PTPRN2: variants seen among roughly 807,000 people sequenced by gnomAD.
The protein encoded by PTPRN2 is protein tyrosine phosphatase receptor type N2.
PTPRN2 carries 74 observed loss-of-function variants against 118.8 expected under a neutral mutation model. The ratio of observed to expected loss-of-function variants is 0.62; its 90% CI spans 0.52 to 0.76. PTPRN2 has a LOEUF of 0.76. PTPRN2 is among the 30% of genes least tolerant of loss of function. The probability of loss-of-function intolerance (pLI) is 0.00; values close to 1 mark genes in which losing one functional copy is unlikely to be tolerated. For synonymous variants in PTPRN2, 641 were observed against 608.0 expected (o/e 1.05, Z -0.80); for missense variants, 1,481 against 1,394.4 (o/e 1.06, Z -0.99).
rs551512617 is a variant in PTPRN2 at position 158,120,913 on chromosome 7, G to A, written c.1557-9998C>T. ...GACAGAGCAATGACCCACCACAGCC[G>A]GCTCAGCTCCACCCCGGCTGAGACC... On this transcript the variant is annotated intron_variant, in intron 9 of 22. Coordinates refer to ENST00000389418, the MANE Select transcript of PTPRN2 (RefSeq NM_002847.5). 2.0e-3 allele frequency among the ~76,000 whole-genome samples: 298 copies of A among 152,304 alleles called. 2 individuals carry two copies. Among genetic ancestry groups the A allele is most frequent in the South Asian group, 0.013 (62 of 4,832 alleles).
chr7:158,253,667 G>A (rs961004422), intron 3 of PTPRN2, among the ~76,000 whole-genome samples: 9 of 152,212 alleles, frequency 5.9e-5, no homozygotes, highest in Non-Finnish European at 1.0e-4. Flanking sequence ...GCACACAGGC[G>A]AGGCAAGACT....
At chr7:157,847,385 A>G (rs992564731) in intron 12 of PTPRN2, among the ~76,000 whole-genome samples, 1 of 149,286 alleles carries the variant, frequency 6.7e-6, no homozygotes, top group Admixed American at 6.6e-5. Flanking sequence ...CTCTGACTCT[A>G]TCACGTGTGC....
intron 11 of PTPRN2, among the ~76,000 whole-genome samples, chr7:158,074,268 C>T (rs892408299): frequency 3.9e-5 from 6 of 152,168 alleles, no homozygotes; most frequent in South Asian, 2.1e-4. Flanking sequence ...CTCCTGCCGA[C>T]GATCCCTCTG....
intron 11 of PTPRN2, among the ~76,000 whole-genome samples, chr7:158,033,320 A>G (rs1417637426): frequency 6.6e-6 from 1 of 152,128 alleles, no homozygotes; most frequent in East Asian, 1.9e-4. Context: ...CGAGTCGGTG[A>G]TTAGCTGGAA....
intron 3 of PTPRN2, among the ~76,000 whole-genome samples, chr7:158,306,644 GCAACAA>G (rs568049984): frequency 3.3e-5 from 5 of 151,950 alleles, no homozygotes; most frequent in African/African-American, 9.7e-5. Context: ...ACAATAAACA[GCAACAA>G]CAACAACAAC....
chr7:158,141,329 T>G (rs937408753), intron 6 of PTPRN2, among the ~76,000 whole-genome samples: 2 of 152,236 alleles, frequency 1.3e-5, no homozygotes, highest in African/African-American at 4.8e-5. Context: ...TGGCACTGCC[T>G]GTGGCACCCC....
intron 12 of PTPRN2, among the ~76,000 whole-genome samples, chr7:157,816,948 C>G (rs772432090): frequency 1.4e-4 from 22 of 152,234 alleles, no homozygotes; most frequent in Non-Finnish European, 2.9e-4. Context: ...AACAGGGGTC[C>G]CCACATCCAG....
intron 21 of PTPRN2, among the ~76,000 whole-genome samples, chr7:157,553,531 G>A (rs890885369): frequency 2.0e-5 from 3 of 152,184 alleles, no homozygotes; most frequent in Admixed American, 2.0e-4. Context: ...TCATGACATC[G>A]TGGCTCCCTC....
intron 2 of PTPRN2, among the ~76,000 whole-genome samples, chr7:158,394,444 G>A (rs4909207): frequency 0.44 from 66,316 of 152,102 alleles, 15,396 homozygotes; most frequent in East Asian, 0.75. Flanking sequence ...AGCCTGCGAC[G>A]GGGATGCTGC....
chr7:158,375,799 G>A (rs564166848), intron 2 of PTPRN2, among the ~76,000 whole-genome samples: 4 of 152,026 alleles, frequency 2.6e-5, no homozygotes, highest in East Asian at 1.9e-4. Context: ...AGAGGAGTTC[G>A]GCTGGGGACA....
rs1314560619 is a variant in PTPRN2 at position 158,138,508 on chromosome 7, C to G, written c.918G>C (p.Arg306=). The change falls in exon 7 of 23, where the codon CGG becomes CGC. Residue 306 remains arginine, a synonymous_variant. Transcript: ENST00000389418. ...EDPSSTGDGA[R]IHTLLKDLQR... is the part of the protein sequence containing the mutation. ...GCAGGTCCTTCAGGAGGGTATGAAT[C>G]CGTGCTCCTAGGGGCACACACACAA... 5 of 1,611,322 alleles carry G rather than the reference C, an allele frequency of 3.1e-6. No homozygotes were observed. The South Asian group carries it at 3.3e-5, about 11-fold the overall frequency.
chr7:158,139,058 C>T (rs1819121071), intron 6 of PTPRN2, among the ~76,000 whole-genome samples: 1 of 152,140 alleles, frequency 6.6e-6, no homozygotes, highest in African/African-American at 2.4e-5. Context: ...AAGCCTCGTC[C>T]AAGAAAGTAA....
In PTPRN2 at chr7:158,546,516, C is replaced by T. The variant is rs551139332; in HGVS notation, c.112+41042G>A. Among the ~76,000 whole-genome samples, 5 of 152,332 alleles carry T rather than the reference C, an allele frequency of 3.3e-5. No homozygotes were observed. The South Asian group carries it at 1.0e-3, about 32-fold the overall frequency. ...CCATGATGTCTAAGTGACTATAGGGCCATGAAGAAGGGGCCTCCTGATAAT... is the reference window on the plus strand; with the variant it reads ...CCATGATGTCTAAGTGACTATAGGGTCATGAAGAAGGGGCCTCCTGATAAT... On this transcript the variant is annotated intron_variant, in intron 1 of 22. Coordinates refer to ENST00000389418, the MANE Select transcript of PTPRN2 (RefSeq NM_002847.5). The surrounding 1 kb of genome is among the most constrained non-coding windows in gnomAD (Gnocchi z 5.0).
chr7:157,688,903 C>A (rs1394819055), intron 12 of PTPRN2, among the ~76,000 whole-genome samples: 3 of 152,206 alleles, frequency 2.0e-5, no homozygotes, highest in Non-Finnish European at 4.4e-5. Context: ...CAGGCCCCAG[C>A]GCCGGACACA....
At chr7:157,841,934 C>T (rs576591490) in intron 12 of PTPRN2, among the ~76,000 whole-genome samples, 5 of 152,066 alleles carry the variant, frequency 3.3e-5, no homozygotes, top group Non-Finnish European at 7.4e-5. Flanking sequence ...CCTCCCTCCT[C>T]TCCCTTTCTC....
chr7:158,285,818 C>T (rs545933584), intron 3 of PTPRN2, among the ~76,000 whole-genome samples: 3 of 152,212 alleles, frequency 2.0e-5, no homozygotes, highest in East Asian at 1.9e-4. Flanking sequence ...CAACCCCATT[C>T]GCCTCTGAGC....
rs903849199 is a variant in PTPRN2 at position 157,671,460 on chromosome 7, C to T, written c.2001+11265G>A. Among the ~76,000 whole-genome samples the T allele has an allele frequency of 6.6e-5, 10 of 152,060 alleles. No individual in the cohort carries two copies. Among genetic ancestry groups the T allele is most frequent in the African/African-American group, 1.7e-4 (7 of 41,408 alleles). The stretch of plus-strand genomic sequence containing the variant: ...GGGCCACCCCGGGCTGAGATGGAAG[C>T]TCAGGGGACGGGGGTCTGCACAGGG... On this transcript the variant is annotated intron_variant, in intron 13 of 22. Transcript: ENST00000389418. The surrounding 1 kb of genome is among the most constrained non-coding windows in gnomAD (Gnocchi z 4.1).
At chr7:158,501,348 C>A (rs1026934308) in intron 1 of PTPRN2, among the ~76,000 whole-genome samples, 5 of 152,200 alleles carry the variant, frequency 3.3e-5, no homozygotes, top group Non-Finnish European at 7.3e-5. Flanking sequence ...AGCCTCTGTA[C>A]CCCCCGATTT....
chr7:157,996,016 G>A (rs1380768907), intron 11 of PTPRN2, among the ~76,000 whole-genome samples: 2 of 152,220 alleles, frequency 1.3e-5, no homozygotes, highest in African/African-American at 4.8e-5. Flanking sequence ...ATGAAGTCCT[G>A]TCTGTTGCAC....
Sources: allele counts gnomAD v4.1 joint callset (sites outside exome capture counted in the v4.1 genomes callset), GRCh38; gene constraint gnomAD v4.1.1; non-coding constraint Gnocchi (gnomAD v3.1); transcripts MANE v1.5; gene names NCBI Gene and HGNC (gene_info 2026-07-23, HGNC 2026-07-21).